TRIO: variants seen among roughly 807,000 people sequenced by gnomAD.
TRIO encodes the protein triple functional domain protein.
TRIO carries 58 observed loss-of-function variants against 351.9 expected under a neutral mutation model. That is an observed-to-expected ratio of 0.16 (90% confidence interval 0.13 to 0.21). The LOEUF is 0.21. Among genes scored for constraint, TRIO ranks in the 10% least tolerant of loss-of-function variants. TRIO has a pLI of 1.00. For missense variants in TRIO, 3,201 were observed against 4,027.8 expected, an observed-to-expected ratio of 0.79 and a Z score of 5.56; for synonymous variants, 1,758 against 1,595.7, an observed-to-expected ratio of 1.10 and a Z score of -2.42.
chr5:14,179,568 T>A (rs2152135666), intron 1 of TRIO, among the ~76,000 whole-genome samples: 1 of 152,078 alleles, frequency 6.6e-6, no homozygotes, highest in East Asian at 1.9e-4. Context: ...GTGATCCTCC[T>A]GCCTCAGCCA....
At chr5:14,211,060 G>A (rs74466976) in intron 1 of TRIO, among the ~76,000 whole-genome samples, 2,042 of 152,180 alleles carry the variant, frequency 0.013, 25 homozygotes, top group Non-Finnish European at 0.019. Context: ...ACTTGAAGCC[G>A]TGCCAACTGC....
At chr5:14,275,574 A>C (rs55869392) in intron 2 of TRIO, among the ~76,000 whole-genome samples, 1 of 111,998 alleles carries the variant, frequency 8.9e-6, no homozygotes. Context: ...CTATAGGAAA[A>C]CTTTTTTTTT....
chr5:14,409,635 C>A (rs570332149), intron 33 of TRIO, among the ~76,000 whole-genome samples: 2 of 151,980 alleles, frequency 1.3e-5, no homozygotes, highest in Non-Finnish European at 2.9e-5. Flanking sequence ...GAGATCGAGA[C>A]CATCCTGGCT....
Position 14,366,906 on chromosome 5 carries a change from T to C in TRIO, c.2801T>C (p.Leu934Pro), listed in dbSNP as rs1245002176. ...GGAGAGTCCATGTTAAATGCCGGAC[T>C]TATCACAGCCAGCTCGTTACAAGAG... Reference protein sequence around the residue: ...RNGESMLNAGLITASSLQEAE... With the variant: ...RNGESMLNAGPITASSLQEAE... Residue 934 changes from leucine to proline, a missense_variant, in exon 16 of 57, where the codon CTT (leucine) becomes CCT (proline). Physicochemically the swap from Leu to Pro is moderately conservative, Grantham distance 98. Around this residue, in one of 19 missense-constraint regions of TRIO, gnomAD observed 363 missense variants for 553.5 expected, o/e 0.66. Transcript: ENST00000344204. 3 of 1,614,200 alleles carry C rather than the reference T, an allele frequency of 1.9e-6. No individual in the cohort carries two copies. Among genetic ancestry groups the C allele is most frequent in the Non-Finnish European group, 1.7e-6 (2 of 1,180,032 alleles).
chr5:14,440,204 A>G (rs1267700448), intron 34 of TRIO, among the ~76,000 whole-genome samples: 1 of 152,238 alleles, frequency 6.6e-6, no homozygotes, highest in Non-Finnish European at 1.5e-5. Flanking sequence ...TTAAGGTTCA[A>G]CAAAGAACAC....
rs754143749 is a variant in TRIO, at chr5:14,487,663, C to A, written c.7035C>A (p.Val2345=). Residue 2345 remains valine, a synonymous_variant, in exon 48 of 57, where the codon GTC becomes GTA. Coordinates refer to ENST00000344204, the MANE Select transcript of TRIO (RefSeq NM_007118.4). Reference sequence around the variant, plus strand: ...GGCCCTCCCGGATCCCCCAGCCTGTCCGACACCACCCCCCCGTGCTGGTCT... The same window carrying A: ...GGCCCTCCCGGATCCCCCAGCCTGTACGACACCACCCCCCCGTGCTGGTCT... ...RSRPSRIPQP[V]RHHPPVLVSS... 9 of 1,370,582 alleles carry A rather than the reference C, an allele frequency of 6.6e-6. No homozygotes were observed. Among genetic ancestry groups the A allele is most frequent in the Non-Finnish European group, 8.6e-6 (9 of 1,050,366 alleles). The allele number at this position is 1,370,582 out of a possible 1,614,324, so 84.9% of individuals were successfully genotyped here. A position where few individuals can be genotyped will look rare whatever the true frequency, so the allele number is the denominator to read the frequency against.
At chr5:14,290,546 G>A (rs748676738) in intron 4 of TRIO, among the ~76,000 whole-genome samples, 170 bp from the exon 5 acceptor site, 1 of 152,120 alleles carries the variant, frequency 6.6e-6, no homozygotes, top group Non-Finnish European at 1.5e-5. Context: ...TACTGATAAT[G>A]CTTCTTTCAT....
intron 9 of TRIO, among the ~76,000 whole-genome samples, chr5:14,325,482 C>T (rs1311196799): frequency 6.6e-6 from 1 of 152,122 alleles, no homozygotes; most frequent in Non-Finnish European, 1.5e-5. Context: ...CTCTTTTCAA[C>T]AATGAGCTCT....
intron 1 of TRIO, among the ~76,000 whole-genome samples, chr5:14,155,627 A>G (rs987515235): frequency 6.6e-6 from 1 of 151,982 alleles, no homozygotes; most frequent in African/African-American, 2.4e-5. Context: ...TTTAAAGACT[A>G]CCTCCCAGTT....
rs1755627516 is a variant in TRIO at position 14,482,786 on chromosome 5, T to A, written c.6657+13T>A. 6.5e-7 allele frequency: 1 copy of A among 1,537,916 alleles called. No individual in the cohort carries two copies. Among genetic ancestry groups the A allele is most frequent in the Middle Eastern group, 2.2e-4 (1 of 4,550 alleles). On this transcript the variant is annotated intron_variant, in intron 46 of 56. Transcript: ENST00000344204. ...GAACAGTATCAAGGTAACGTGTGTC[T>A]CTGTGTGATTTCTCTGTGCCAGCGC...
chr5:14,172,201 A>AT (rs1789140803), intron 1 of TRIO, among the ~76,000 whole-genome samples: 1 of 152,180 alleles, frequency 6.6e-6, no homozygotes, highest in African/African-American at 2.4e-5. Context: ...GATTGTGCAT[A>AT]TTTTTGTTTT....
At chr5:14,301,399 T>C (rs899607333) in intron 7 of TRIO, among the ~76,000 whole-genome samples, 12 of 152,226 alleles carry the variant, frequency 7.9e-5, no homozygotes, top group African/African-American at 2.6e-4. Flanking sequence ...CCAGATGCTT[T>C]GTGTTCACGT....
intron 34 of TRIO, among the ~76,000 whole-genome samples, chr5:14,436,879 C>T (rs184817868): frequency 8.9e-4 from 136 of 152,322 alleles, no homozygotes; most frequent in Non-Finnish European, 8.5e-4. Context: ...GTTGCTTTCA[C>T]GGACTGGCAT....
At position 14,359,529 on chromosome 5, in the gene TRIO, G is replaced by A. The variant is rs1743941042; in HGVS notation, c.2389G>A (p.Asp797Asn). 3.1e-6 allele frequency: 5 copies of A among 1,613,286 alleles called. No homozygotes were observed. Among genetic ancestry groups the A allele is most frequent in the Non-Finnish European group, 3.4e-6 (4 of 1,179,310 alleles). The change falls in exon 13 of 57, where the codon GAC (aspartate) becomes AAC (asparagine). Residue 797 changes from aspartate to asparagine, a missense_variant and splice_region_variant. By Grantham distance (23) the Asp-to-Asn change is conservative. Coordinates refer to ENST00000344204, the MANE Select transcript of TRIO (RefSeq NM_007118.4). ...QLRIFERDAI[D>N]IISDLESWND... ...GCGCATCTTCGAGAGGGACGCCATC[G>A]ACGTGAGTGTCCCGCGGCTGGCGCC... is the stretch of plus-strand genomic sequence containing the variant.
chr5:14,232,697 A>G (rs1434875272), intron 1 of TRIO, among the ~76,000 whole-genome samples: 1 of 152,258 alleles, frequency 6.6e-6, no homozygotes, highest in Non-Finnish European at 1.5e-5. Flanking sequence ...CCTTTGAGCT[A>G]TGGATGACAA....
intron 30 of TRIO, among the ~76,000 whole-genome samples, chr5:14,400,092 A>G (rs1579540738): frequency 6.6e-6 from 1 of 152,270 alleles, no homozygotes; most frequent in East Asian, 1.9e-4. Context: ...TGGTTTTCAT[A>G]CCATTTTGTT....
At chr5:14,306,863 C>G (rs1561318289) in intron 8 of TRIO, among the ~76,000 whole-genome samples, 2 of 152,118 alleles carry the variant, frequency 1.3e-5, no homozygotes, top group Admixed American at 1.3e-4. Context: ...GACACAGGAA[C>G]TTATGTTTAC....
chr5:14,395,056 T>C (rs1339400545), intron 28 of TRIO, among the ~76,000 whole-genome samples: 1 of 152,212 alleles, frequency 6.6e-6, no homozygotes, highest in Non-Finnish European at 1.5e-5. Context: ...CGGGAAGTTA[T>C]TATGTAATTT....
intron 38 of TRIO, 35 bp from the exon 39 acceptor site, chr5:14,472,557 C>T (rs1357319866): frequency 6.2e-7 from 1 of 1,611,118 alleles, no homozygotes; most frequent in South Asian, 1.1e-5. Flanking sequence ...ATTTAGAAAA[C>T]AGTTTGCATG....
Sources: gnomAD v4.1 joint callset for allele counts (sites outside exome capture counted in the v4.1 genomes callset) on GRCh38, gnomAD v4.1.1 for gene constraint, gnomAD v4.1.1 regional missense constraint, MANE v1.5 for transcripts, NCBI Gene and HGNC (gene_info 2026-07-23, HGNC 2026-07-21) for gene names.